ARSG: variants seen among roughly 807,000 people sequenced by gnomAD.
The protein encoded by ARSG is ASG.
A neutral mutation model predicts 50.5 loss-of-function variants in ARSG; 37 were observed. The observed-to-expected ratio is 0.73, with a 90% CI of 0.56 to 0.96. ARSG has a LOEUF of 0.96. Among genes scored for constraint, ARSG ranks in the 50% least tolerant of loss-of-function variants. The pLI, the probability that ARSG is intolerant of heterozygous loss-of-function variation, is 0.00. For missense variants in ARSG, 629 were observed against 675.3 expected, an observed-to-expected ratio of 0.93 and a Z score of 0.76; for synonymous variants, 225 against 254.6, an observed-to-expected ratio of 0.88 and a Z score of 1.11.
At chr17:68,425,579 C>G (rs2083116716), downstream of ARSG, among the ~76,000 whole-genome samples, 1 of 152,050 alleles carries the variant, frequency 6.6e-6, no homozygotes, top group South Asian at 2.1e-4. Context: ...CCGGCCAGAG[C>G]TGCAGGTAAG....
the ARSG span, among the ~76,000 whole-genome samples, chr17:68,431,508 A>G: frequency 6.6e-6 from 1 of 152,128 alleles, no homozygotes; most frequent in Non-Finnish European, 1.5e-5. Context: ...CTGGGACTTC[A>G]TTCCCAAGGT....
chr17:68,308,908 G>A (rs1377172819), intron 2 of ARSG, among the ~76,000 whole-genome samples: 1 of 152,260 alleles, frequency 6.6e-6, no homozygotes, highest in South Asian at 2.1e-4. Context: ...CGCGCCCTGC[G>A]CCTGCACTCC....
chr17:68,292,735 G>T (rs1195215054), intron 1 of ARSG, among the ~76,000 whole-genome samples: 1 of 152,096 alleles, frequency 6.6e-6, no homozygotes, highest in Non-Finnish European at 1.5e-5. Context: ...TTTGGGATAG[G>T]CTCTCCTGAG....
At chr17:68,431,319 C>T in the ARSG span, among the ~76,000 whole-genome samples, 1 of 152,148 alleles carries the variant, frequency 6.6e-6, no homozygotes, top group Non-Finnish European at 1.5e-5. Context: ...ATCATCATCA[C>T]AACCTCCCTG....
At chr17:68,361,268 C>T (rs368458764) in intron 6 of ARSG, among the ~76,000 whole-genome samples, 6 of 152,232 alleles carry the variant, frequency 3.9e-5, no homozygotes, top group African/African-American at 1.4e-4. Flanking sequence ...GTGAAGCCCC[C>T]ATGTTGGGAT....
chr17:68,337,752 A>G (rs1374183492), intron 2 of ARSG, among the ~76,000 whole-genome samples: 2 of 151,906 alleles, frequency 1.3e-5, no homozygotes, highest in East Asian at 1.9e-4. Flanking sequence ...CGAGTAGCTG[A>G]GACTACAGGC....
In ARSG at chr17:68,346,065, A is replaced by G. The variant is rs531602059; in HGVS notation, c.407-1060A>G. Among the ~76,000 whole-genome samples the G allele has an allele frequency of 2.2e-3, 340 of 152,056 alleles. 7 individuals are homozygous for G. Among genetic ancestry groups the G allele is most frequent in the Non-Finnish European group, 7.7e-4 (52 of 67,970 alleles). On this transcript the variant is annotated intron_variant, in intron 3 of 11. Transcript: ENST00000621439. ...TAATTTTTGTATTTTTAGTAGAGAT[A>G]AGGTTTTGCCACGTTGCCCAGGCTA... is the stretch of plus-strand genomic sequence containing the variant.
At position 68,358,902 on chromosome 17, in the gene ARSG, G is replaced by A. The variant is rs553540184; in HGVS notation, c.704+2098G>A. Among the ~76,000 whole-genome samples, 108 of 152,168 alleles carry A rather than the reference G, an allele frequency of 7.1e-4. 2 individuals are homozygous for A. Among genetic ancestry groups the A allele is most frequent in the Middle Eastern group, 3.4e-3 (1 of 294 alleles). The stretch of plus-strand genomic sequence containing the variant: ...AAACCGGCTGGGCGTGGTGGCTCAC[G>A]CCTGTAATCCCAGCACTTTGGGAGG... On this transcript the variant is annotated intron_variant, in intron 6 of 11. Coordinates refer to ENST00000621439, the MANE Select transcript of ARSG (RefSeq NM_001267727.2).
Position 68,313,379 on chromosome 17 carries a change from C to T in ARSG, c.218+5668C>T, listed in dbSNP as rs530725407. ...CTGACAGAGAATCCATTCCTTGCCT[C>T]TCTCCTGGATTCTGGTGCCTGCTGG... On this transcript the variant is annotated intron_variant, in intron 2 of 11. Coordinates refer to ENST00000621439, the MANE Select transcript of ARSG (RefSeq NM_001267727.2). 2.0e-5 allele frequency among the ~76,000 whole-genome samples: 3 copies of T among 152,314 alleles called. No individual in the cohort carries two copies. The South Asian group carries it at 6.2e-4, about 32-fold the overall frequency.
intron 2 of ARSG, among the ~76,000 whole-genome samples, chr17:68,333,631 AAAT>A (rs150655015): frequency 0.25 from 34,926 of 142,408 alleles, 4,839 homozygotes; most frequent in East Asian, 0.56. Flanking sequence ...TCTGTCTCAA[AAAT>A]AATAATAATA....
intron 8 of ARSG, 46 bp downstream of exon 8, chr17:68,370,570 C>T: frequency 1.3e-6 from 2 of 1,573,786 alleles, no homozygotes; most frequent in East Asian, 4.5e-5. Context: ...CAATGCTGAG[C>T]CCAGGCTGGG....
At chr17:68,305,230 C>CA (rs2076563866) in intron 1 of ARSG, among the ~76,000 whole-genome samples, 1 of 152,174 alleles carries the variant, frequency 6.6e-6, no homozygotes, top group South Asian at 2.1e-4. Flanking sequence ...CCATTTGCAA[C>CA]CTGCAGCTTA....
chr17:68,286,716 G>A (rs971849212), upstream of ARSG, among the ~76,000 whole-genome samples: 2 of 152,114 alleles, frequency 1.3e-5, no homozygotes, highest in Non-Finnish European at 2.9e-5. Flanking sequence ...TGTTAGCTAG[G>A]CTGGTCTCGA....
chr17:68,421,235 C>T (rs780074779), downstream of ARSG: 2 of 152,730 alleles, frequency 1.3e-5, no homozygotes, highest in Non-Finnish European at 2.9e-5. Flanking sequence ...TCCTCCTGTC[C>T]CCTATAACCA....
chr17:68,274,049 C>A lies in ARSG; in HGVS notation c.-552+14623C>A, dbSNP rs1555750087. Reference sequence around the variant, plus strand: ...TACCAGACGGTGTCCGAAACGATTGCTCAGGACTGTGGCGAGGGGAGCTGC... The same window carrying A: ...TACCAGACGGTGTCCGAAACGATTGATCAGGACTGTGGCGAGGGGAGCTGC... On this transcript the variant is annotated intron_variant, in intron 1 of 11. Coordinates refer to the ARSG transcript ENST00000448504. 2 of 1,614,086 alleles carry A rather than the reference C, an allele frequency of 1.2e-6. No homozygotes were observed. Among genetic ancestry groups the A allele is most frequent in the Admixed American group, 3.3e-5 (2 of 60,020 alleles).
chr17:68,425,870 G>C, downstream of ARSG: 1 of 547,834 alleles, frequency 1.8e-6, no homozygotes, highest in Non-Finnish European at 3.2e-6. Flanking sequence ...ATGCCATCAG[G>C]GTTTAGCTCG....
At chr17:68,344,489 C>A (rs535974136) in intron 3 of ARSG, among the ~76,000 whole-genome samples, 8 of 152,200 alleles carry the variant, frequency 5.3e-5, no homozygotes, top group Non-Finnish European at 1.2e-4. Flanking sequence ...TCTTACTCAG[C>A]ATTTATTATG....
chr17:68,273,705 T>C (rs2075417245), intron 1 of ARSG, among the ~76,000 whole-genome samples: 1 of 151,938 alleles, frequency 6.6e-6, no homozygotes, highest in East Asian at 1.9e-4. Flanking sequence ...ATCATCATCT[T>C]TGGTGAAGAT....
At chr17:68,447,628 C>T in the ARSG span, among the ~76,000 whole-genome samples, 3 of 152,098 alleles carry the variant, frequency 2.0e-5, no homozygotes, top group Admixed American at 2.0e-4. Context: ...TGGGCTCAAG[C>T]GATCCTCCTG....
Sources: gnomAD v4.1 joint callset for allele counts (sites outside exome capture counted in the v4.1 genomes callset) on GRCh38, gnomAD v4.1.1 for gene constraint, MANE v1.5 for transcripts, NCBI Gene and HGNC (gene_info 2026-07-23, HGNC 2026-07-21) for gene names.